ST6GALNAC3: variants seen among roughly 807,000 people sequenced by gnomAD.
ST6GALNAC3 encodes ST6 N-acetylgalactosaminide alpha-2,6-sialyltransferase 3.
ST6GALNAC3 carries 25 observed loss-of-function variants against 32.7 expected under a neutral mutation model. The ratio of observed to expected loss-of-function variants is 0.76; its 90% CI spans 0.56 to 1.07. ST6GALNAC3 has a LOEUF of 1.07. ST6GALNAC3 is among the 50% of genes least tolerant of loss of function. The pLI is 0.00. For missense variants in ST6GALNAC3, 355 were observed against 382.4 expected (o/e 0.93, Z 0.60); for synonymous variants, 129 against 133.1 (o/e 0.97, Z 0.21).
intron 2 of ST6GALNAC3, among the ~76,000 whole-genome samples, chr1:76,318,420 C>A (rs1464675378): frequency 2.0e-5 from 3 of 152,128 alleles, no homozygotes; most frequent in Non-Finnish European, 4.4e-5. Flanking sequence ...TGAGTGCCAA[C>A]TAACTGGGTG....
intron 2 of ST6GALNAC3, among the ~76,000 whole-genome samples, chr1:76,372,399 A>G (rs1650899942): frequency 1.3e-5 from 2 of 152,122 alleles, no homozygotes; most frequent in East Asian, 1.9e-4. Flanking sequence ...GTATTGCAGT[A>G]TTATTCACAA....
At chr1:76,615,047 A>G (rs1648205926) in intron 3 of ST6GALNAC3, among the ~76,000 whole-genome samples, 1 of 152,048 alleles carries the variant, frequency 6.6e-6, no homozygotes, top group Non-Finnish European at 1.5e-5. Context: ...TTTGACAGTA[A>G]ATCATTTTTC....
At chr1:76,183,364 A>T (rs1262141276) in intron 1 of ST6GALNAC3, among the ~76,000 whole-genome samples, 1 of 152,176 alleles carries the variant, frequency 6.6e-6, no homozygotes, top group South Asian at 2.1e-4. Context: ...TGATTTGTAT[A>T]CTAAATTTCA....
intron 1 of ST6GALNAC3, among the ~76,000 whole-genome samples, chr1:76,268,641 T>C (rs989993864): frequency 3.3e-5 from 5 of 152,196 alleles, no homozygotes; most frequent in African/African-American, 1.2e-4. Flanking sequence ...TAGCTTAGAA[T>C]TTCCCACAGT....
Position 76,632,646 on chromosome 1 carries a change from C to A in ST6GALNAC3, c.*3840C>A, listed in dbSNP as rs2100744391. 1 of 152,140 alleles carries A rather than the reference C, an allele frequency of 6.6e-6. No homozygotes were observed. Among genetic ancestry groups the A allele is most frequent in the East Asian group, 1.9e-4 (1 of 5,168 alleles). The allele number at this position is 152,140 out of a possible 1,614,324, so 9.4% of individuals were successfully genotyped here. ...GAGTCTGAATTGGGGACCTGCTGAC[C>A]TTCCAAGAAGTAGAAGGCCATCAGA... On this transcript the variant is annotated 3_prime_UTR_variant, in exon 5 of 5. Coordinates refer to ENST00000328299, the MANE Select transcript of ST6GALNAC3 (RefSeq NM_152996.4).
chr1:76,317,885 T>C (rs1194045606), intron 2 of ST6GALNAC3, among the ~76,000 whole-genome samples: 1 of 152,076 alleles, frequency 6.6e-6, no homozygotes, highest in Non-Finnish European at 1.5e-5. Flanking sequence ...AGTGTAGGGT[T>C]GCTTAGGAGC....
intron 1 of ST6GALNAC3, among the ~76,000 whole-genome samples, chr1:76,127,281 A>C (rs1183870702): frequency 6.6e-6 from 1 of 152,146 alleles, no homozygotes; most frequent in Non-Finnish European, 1.5e-5. Context: ...AAAGCCACCC[A>C]GGGCCCCAAA....
chr1:76,141,246 G>C (rs1169096421), intron 1 of ST6GALNAC3, among the ~76,000 whole-genome samples: 1 of 152,168 alleles, frequency 6.6e-6, no homozygotes, highest in Non-Finnish European at 1.5e-5. Context: ...TTGCTGTGGA[G>C]ATAAGTTCTT....
At chr1:76,187,309 A>G (rs961621717) in intron 1 of ST6GALNAC3, among the ~76,000 whole-genome samples, 1 of 152,168 alleles carries the variant, frequency 6.6e-6, no homozygotes, top group African/African-American at 2.4e-5. Flanking sequence ...CTTACTTGAT[A>G]TTCCATTGTG....
At chr1:76,317,337 C>A (rs916726327) in intron 2 of ST6GALNAC3, among the ~76,000 whole-genome samples, 88 of 152,192 alleles carry the variant, frequency 5.8e-4, no homozygotes, top group Non-Finnish European at 9.9e-4. Context: ...AAATAAGAGA[C>A]ACAGTATGAT....
intron 1 of ST6GALNAC3, among the ~76,000 whole-genome samples, chr1:76,102,633 C>A (rs1647273700): frequency 6.6e-6 from 1 of 152,028 alleles, no homozygotes; most frequent in Non-Finnish European, 1.5e-5. Context: ...CATCTTGACT[C>A]AGGTCTTAGA....
chr1:76,136,463 C>A (rs1197539837), intron 1 of ST6GALNAC3, among the ~76,000 whole-genome samples: 1 of 151,894 alleles, frequency 6.6e-6, no homozygotes, highest in African/African-American at 2.4e-5. Context: ...GTGGCGTCTT[C>A]TGTGATTCTG....
chr1:76,537,769 A>T (rs981490969), intron 3 of ST6GALNAC3, among the ~76,000 whole-genome samples: 1 of 152,196 alleles, frequency 6.6e-6, no homozygotes, highest in Non-Finnish European at 1.5e-5. Context: ...AAAATACAGT[A>T]GAAAAGGCTA....
At chr1:76,122,105 A>C (rs960979096) in intron 1 of ST6GALNAC3, among the ~76,000 whole-genome samples, 4 of 152,168 alleles carry the variant, frequency 2.6e-5, no homozygotes, top group Non-Finnish European at 5.9e-5. Flanking sequence ...TGTATTGTGT[A>C]TATAGTGCTT....
intron 3 of ST6GALNAC3, among the ~76,000 whole-genome samples, chr1:76,449,892 T>G (rs961609557): frequency 1.3e-5 from 2 of 152,186 alleles, no homozygotes; most frequent in Non-Finnish European, 2.9e-5. Context: ...AGTGGTGATA[T>G]CTAAGATTTT....
At chr1:76,222,515 A>G (rs1655831196) in intron 1 of ST6GALNAC3, among the ~76,000 whole-genome samples, 1 of 152,180 alleles carries the variant, frequency 6.6e-6, no homozygotes, top group Non-Finnish European at 1.5e-5. Context: ...ACAAAGATCT[A>G]ATATTCAGTA....
intron 1 of ST6GALNAC3, among the ~76,000 whole-genome samples, chr1:76,083,984 AT>A (rs1235694071): frequency 2.6e-5 from 4 of 152,254 alleles, no homozygotes; most frequent in Non-Finnish European, 5.9e-5. Flanking sequence ...AGGTAAATTA[AT>A]TAAAATGAAA....
chr1:76,296,929 A>G (rs1053676573), intron 1 of ST6GALNAC3, among the ~76,000 whole-genome samples: 5 of 152,036 alleles, frequency 3.3e-5, no homozygotes, highest in African/African-American at 1.2e-4. Context: ...AAAAACATCA[A>G]ATCTCTTTAG....
chr1:76,136,988 T>A (rs1432583888), intron 1 of ST6GALNAC3, among the ~76,000 whole-genome samples: 1 of 152,222 alleles, frequency 6.6e-6, no homozygotes, highest in African/African-American at 2.4e-5. Context: ...GTTGATACTT[T>A]TGTCTCAGTC....
Sources: allele counts gnomAD v4.1 joint callset (sites outside exome capture counted in the v4.1 genomes callset), GRCh38; gene constraint gnomAD v4.1.1; transcripts MANE v1.5; gene names NCBI Gene and HGNC (gene_info 2026-07-23, HGNC 2026-07-21).